The following MINAR1 variants were observed in gnomAD, a reference collection of about 807,000 sequenced individuals.
The protein encoded by MINAR1 is membrane integral NOTCH2 associated receptor 1.
MINAR1 carries 40 observed loss-of-function variants against 65.1 expected under a neutral mutation model. The ratio of observed to expected loss-of-function variants is 0.61; its 90% CI spans 0.48 to 0.80. The LOEUF (loss-of-function observed/expected upper bound fraction) is 0.80. Ranked by LOEUF, MINAR1 falls within the 30% of genes least tolerant of loss-of-function variation. MINAR1 has a pLI of 0.00. For missense variants in MINAR1, 1,128 were observed against 1,148.0 expected (o/e 0.98, Z 0.25); for synonymous variants, 482 against 449.1 (o/e 1.07, Z -0.93).
In MINAR1 at chr15:79,457,040, C is replaced by T. The variant is rs767111891; in HGVS notation, c.893C>T (p.Pro298Leu). The T allele has an allele frequency of 6.2e-7, 1 of 1,613,916 alleles. No individual in the cohort carries two copies. Among genetic ancestry groups the T allele is most frequent in the East Asian group, 2.2e-5 (1 of 44,866 alleles). The change falls in exon 2 of 4, where the codon CCC (proline) becomes CTC (leucine). Residue 298 changes from proline (P) to leucine (L), a missense_variant. Coordinates refer to ENST00000305428, the MANE Select transcript of MINAR1 (RefSeq NM_015206.3). ...PQSRKEPHKP[P>L]FFNHSFEMPY... ...AGTCGAAAGGAACCCCACAAGCCAC[C>T]CTTCTTCAACCACAGCTTTGAAATG...
chr15:79,434,628 C>G (rs1012000575), intron 1 of MINAR1, among the ~76,000 whole-genome samples: 1 of 152,244 alleles, frequency 6.6e-6, no homozygotes, highest in African/African-American at 2.4e-5. Context: ...CATTCTCAAA[C>G]TAGCTAGGAA....
chr15:79,466,304 G>A (rs772779715), intron 3 of MINAR1, among the ~76,000 whole-genome samples: 7 of 152,120 alleles, frequency 4.6e-5, no homozygotes, highest in African/African-American at 9.7e-5. Context: ...GCATGTTCTA[G>A]AACGGGGGCT....
intron 1 of MINAR1, among the ~76,000 whole-genome samples, chr15:79,452,858 TCTGTGTGAGTGTGAAG>T (rs1232564584): frequency 8.1e-5 from 12 of 148,978 alleles, no homozygotes; most frequent in Non-Finnish European, 1.5e-4. Context: ...TATGGGTGAG[TCTGTGTGAGTGTGAAG>T]CTGTGTGAGT....
chr15:79,463,134 T>G lies in MINAR1; in HGVS notation c.2366T>G (p.Val789Gly), dbSNP rs1567061379. ...LPKQPKDGFL[V>G]EQVFSPHPYP... is the part of the protein sequence containing the mutation. ...AAGCAGCCCAAAGATGGCTTCCTGG[T>G]GGAGCAGGTGTTCAGCCCTCACCCC... The change falls in exon 3 of 4, where the codon GTG (valine) becomes GGG (glycine). Residue 789 changes from valine to glycine, a missense_variant. By Grantham distance (109) the Val-to-Gly change is moderately radical (BLOSUM62 -3). Transcript: ENST00000305428. 1 of 1,614,168 alleles carries G rather than the reference T, an allele frequency of 6.2e-7. No homozygotes were observed. Among genetic ancestry groups the G allele is most frequent in the Non-Finnish European group, 8.5e-7 (1 of 1,180,028 alleles).
chr15:79,431,643 C>T (rs1415030124), upstream of MINAR1, among the ~76,000 whole-genome samples: 1 of 152,192 alleles, frequency 6.6e-6, no homozygotes, highest in African/African-American at 2.4e-5. Flanking sequence ...CCTTGCAAAC[C>T]ACTGCAGAGT....
At chr15:79,464,068 C>G (rs904808227) in intron 3 of MINAR1, among the ~76,000 whole-genome samples, 1 of 152,094 alleles carries the variant, frequency 6.6e-6, no homozygotes, top group African/African-American at 2.4e-5. Context: ...CTGTGGAGAT[C>G]GGGTATGGCA....
rs145838628 is a variant in MINAR1, at chr15:79,456,969, G to A, written c.822G>A (p.Leu274=). 6.2e-7 allele frequency: 1 copy of A among 1,613,974 alleles called. No individual in the cohort carries two copies. The highest frequency in any genetic ancestry group is 1.3e-5 in the African/African-American group (1 of 74,900). The change falls in exon 2 of 4, where the codon TTG becomes TTA. Residue 274 remains leucine (L), a synonymous_variant. Coordinates refer to ENST00000305428, the MANE Select transcript of MINAR1 (RefSeq NM_015206.3). The part of the protein sequence containing the change: ...FHNLMAVSPS[L]VGPISKAENE... Reference sequence around the variant, plus strand: ...ATTTGATGGCAGTGTCCCCCAGTTTGGTTGGCCCCATCAGCAAAGCAGAGA... The same window carrying A: ...ATTTGATGGCAGTGTCCCCCAGTTTAGTTGGCCCCATCAGCAAAGCAGAGA...
At chr15:79,445,077 T>C (rs1360456627) in intron 1 of MINAR1, among the ~76,000 whole-genome samples, 5 of 152,112 alleles carry the variant, frequency 3.3e-5, no homozygotes, top group Non-Finnish European at 7.4e-5. Flanking sequence ...AGTGTCGATA[T>C]GTTCAGGATT....
intron 1 of MINAR1, among the ~76,000 whole-genome samples, chr15:79,439,351 G>GGGA (rs1312688199): frequency 1.2e-4 from 6 of 49,146 alleles, no homozygotes; most frequent in Admixed American, 2.5e-4. Flanking sequence ...TGTGTGTGTG[G>GGGA]GTAATGAGAT....
At chr15:79,452,748 G>GGT (rs918888240) in intron 1 of MINAR1, among the ~76,000 whole-genome samples, 1 of 130,608 alleles carries the variant, frequency 7.7e-6, no homozygotes, top group East Asian at 3.3e-4. Flanking sequence ...GTGTGGGGGG[G>GGT]GTGTGTGGGT....
At position 79,457,619 on chromosome 15, in the gene MINAR1, G is replaced by A. The variant is rs139919189; in HGVS notation, c.1472G>A (p.Cys491Tyr). The A allele has an allele frequency of 4.7e-5, 76 of 1,614,168 alleles. No homozygotes were observed. In the African/African-American group the frequency reaches 7.6e-4, roughly 16 times the overall value. ...GAGCCCAAGAAATGCAGAGACCTGTGCACCTCTGGTCAGGGCAAGTACAGT... is the reference window on the plus strand; with the variant it reads ...GAGCCCAAGAAATGCAGAGACCTGTACACCTCTGGTCAGGGCAAGTACAGT... ...VLEPKKCRDL[C>Y]TSGQGKYSDR... The change falls in exon 2 of 4, where the codon TGC (cysteine) becomes TAC (tyrosine). Residue 491 changes from cysteine to tyrosine, a missense_variant. Coordinates refer to ENST00000305428, the MANE Select transcript of MINAR1 (RefSeq NM_015206.3).
At position 79,458,304 on chromosome 15, in the gene MINAR1, A is replaced by C. The variant is rs779523665; in HGVS notation, c.2157A>C (p.Thr719=). The change falls in exon 2 of 4, where the codon ACA becomes ACC. Residue 719 remains threonine, a synonymous_variant. Transcript: ENST00000305428. ...CCCTAACAGAGGAGAACAGTGCCAC[A>C]GAGTCCAAAATTGCCAGCATCTCCA... is the stretch of plus-strand genomic sequence containing the variant. ...SRSLTEENSA[T]ESKIASISNS... 6.2e-7 allele frequency: 1 copy of C among 1,614,216 alleles called. No homozygotes were observed. Among genetic ancestry groups the C allele is most frequent in the South Asian group, 1.1e-5 (1 of 91,080 alleles).
chr15:79,432,162 T>C (rs1894457836), upstream of MINAR1, among the ~76,000 whole-genome samples: 1 of 146,890 alleles, frequency 6.8e-6, no homozygotes, highest in African/African-American at 2.6e-5. Context: ...CCGCCAGGGG[T>C]TGAGGGTGAG....
At position 79,465,801 on chromosome 15, in the gene MINAR1, G is replaced by C. The variant is rs368554078; in HGVS notation, c.2554-2386G>C. ...GACCCCCACCAGCACCCAGCCTTTA[G>C]GGGTGCCTCAGCCACTTCTGCAGAC... On this transcript the variant is annotated intron_variant, in intron 3 of 3. Coordinates refer to ENST00000305428, the MANE Select transcript of MINAR1 (RefSeq NM_015206.3). 2.3e-4 allele frequency among the ~76,000 whole-genome samples: 35 copies of C among 151,970 alleles called. 2 individuals carry two copies. In the South Asian group the frequency reaches 6.8e-3, roughly 30 times the overall value.
chr15:79,429,891 A>T (rs1171181491), upstream of MINAR1, among the ~76,000 whole-genome samples: 1 of 152,100 alleles, frequency 6.6e-6, no homozygotes, highest in East Asian at 1.9e-4. Context: ...CTTCCCAGAG[A>T]GGGGGGCATA....
Position 79,458,282 on chromosome 15 carries a change from TA to T in MINAR1, c.2137del (p.Thr713GlnfsTer37). ...SLFTRPSSRSLTEENSATESK... is the reference protein window; with the variant it reads ...SLFTRPSSRSXTEENSATESK... Reference sequence around the variant, plus strand: ...TTCACCAGGCCATCCTCTAGGTCCCTAACAGAGGAGAACAGTGCCACAGAGT... The same window carrying T: ...TTCACCAGGCCATCCTCTAGGTCCCTACAGAGGAGAACAGTGCCACAGAGT... On this transcript the variant is annotated frameshift_variant, in exon 2 of 4. Coordinates refer to ENST00000305428, the MANE Select transcript of MINAR1 (RefSeq NM_015206.3). LOFTEE classifies it high-confidence loss of function. The T allele has an allele frequency of 6.2e-7, 1 of 1,614,048 alleles. No individual in the cohort carries two copies. The highest frequency in any genetic ancestry group is 1.3e-5 in the African/African-American group (1 of 74,992).
intron 1 of MINAR1, among the ~76,000 whole-genome samples, chr15:79,452,869 G>A (rs144292544): frequency 1.3e-5 from 2 of 151,586 alleles, no homozygotes; most frequent in Non-Finnish European, 3.0e-5. Flanking sequence ...CTGTGTGAGT[G>A]TGAAGCTGTG....
upstream of MINAR1, among the ~76,000 whole-genome samples, chr15:79,428,287 C>T (rs901664466): frequency 3.4e-5 from 2 of 59,000 alleles, no homozygotes; most frequent in Non-Finnish European, 6.9e-5. Context: ...TCTCTCCCTC[C>T]CTCCCTCCTT....
the MINAR1 span, chr15:79,411,610 C>A: frequency 4.6e-6 from 3 of 655,852 alleles, no homozygotes; most frequent in Non-Finnish European, 5.6e-6. Flanking sequence ...CTGGGACTAG[C>A]TCCTGGTCCC....
Sources: gnomAD v4.1 joint callset for allele counts (sites outside exome capture counted in the v4.1 genomes callset) on GRCh38, gnomAD v4.1.1 for gene constraint, MANE v1.5 for transcripts, NCBI Gene and HGNC (gene_info 2026-07-23, HGNC 2026-07-21) for gene names.